GTF2E2: variants seen among roughly 807,000 people sequenced by gnomAD.
The protein encoded by GTF2E2 is transcription initiation factor IIE subunit beta.
Under a neutral mutation model 40.5 loss-of-function variants are expected in GTF2E2, and 21 were observed. The observed-to-expected ratio is 0.52, with a 90% CI of 0.37 to 0.75. The LOEUF (loss-of-function observed/expected upper bound fraction) is 0.75. GTF2E2 is among the 30% of genes least tolerant of loss of function. The pLI is 0.00. For missense variants in GTF2E2, 298 were observed against 338.4 expected, an observed-to-expected ratio of 0.88 and a Z score of 0.94; for synonymous variants, 117 against 121.6, an observed-to-expected ratio of 0.96 and a Z score of 0.25.
rs180788696 is a variant in GTF2E2 at position 30,655,675 on chromosome 8, T to C, written c.-4-2073A>G. Among the ~76,000 whole-genome samples, 19 of 152,338 alleles carry C rather than the reference T, an allele frequency of 1.2e-4. No homozygotes were observed. In the East Asian group the frequency reaches 3.5e-3, roughly 28 times the overall value. ...ATCCTTGTCTACATGCTGCTTAGATTTGAGAAAATGGAAGCATTGAGCTAA... is the reference window on the plus strand; with the variant it reads ...ATCCTTGTCTACATGCTGCTTAGATCTGAGAAAATGGAAGCATTGAGCTAA... On this transcript the variant is annotated intron_variant, in intron 1 of 7. Transcript: ENST00000355904.
At chr8:30,647,307 G>A (rs879514106) in intron 2 of GTF2E2, among the ~76,000 whole-genome samples, 2 of 152,130 alleles carry the variant, frequency 1.3e-5, no homozygotes, top group Non-Finnish European at 2.9e-5. Context: ...TCGGCTGGGC[G>A]CGGTGGCTCA....
chr8:30,624,108 T>C (rs1801195143), intron 3 of GTF2E2, among the ~76,000 whole-genome samples: 2 of 152,134 alleles, frequency 1.3e-5, no homozygotes, highest in South Asian at 2.1e-4. Context: ...CTGAATAGTA[T>C]TGCCTAGGTT....
chr8:30,579,775 A>G (rs1641653288), intron 7 of GTF2E2, among the ~76,000 whole-genome samples: 1 of 152,242 alleles, frequency 6.6e-6, no homozygotes, highest in Non-Finnish European at 1.5e-5. Context: ...AAGGCAATGT[A>G]AAAGTCATCA....
At chr8:30,604,900 T>C (rs75606820) in intron 6 of GTF2E2, among the ~76,000 whole-genome samples, 1,588 of 152,188 alleles carry the variant, frequency 0.01, 15 homozygotes, top group Non-Finnish European at 0.016. Context: ...GAAGTATAGA[T>C]AAAAGATACA....
At chr8:30,616,669 C>T (rs547774970) in intron 3 of GTF2E2, among the ~76,000 whole-genome samples, 4 of 152,058 alleles carry the variant, frequency 2.6e-5, no homozygotes, top group East Asian at 3.9e-4. Context: ...AATTTGTCAA[C>T]GTAGGTTCAT....
intron 2 of GTF2E2, among the ~76,000 whole-genome samples, chr8:30,642,929 C>T (rs966973454): frequency 1.3e-5 from 2 of 152,140 alleles, no homozygotes; most frequent in African/African-American, 4.8e-5. Flanking sequence ...AAGCAGTTCA[C>T]TTATACCTCA....
In GTF2E2 at chr8:30,645,737, AGTTAAACATGC is replaced by A; in HGVS notation, c.166+7685_166+7695del. 3 of 812,024 alleles carry A rather than the reference AGTTAAACATGC, an allele frequency of 3.7e-6. No individual in the cohort carries two copies. The South Asian group carries it at 5.7e-5, about 15-fold the overall frequency. The allele number at this position is 812,024 out of a possible 1,614,324, so 50.3% of individuals were successfully genotyped here. On this transcript the variant is annotated intron_variant, in intron 2 of 7. Transcript: ENST00000355904. Reference sequence around the variant, plus strand: ...CATTTCTAGTAGAAGGGGAAAAAAAAGTTAAACATGCACTGTTTGTGTGTATAGCCATTTCA... The same window carrying A: ...CATTTCTAGTAGAAGGGGAAAAAAAAACTGTTTGTGTGTATAGCCATTTCA...
At chr8:30,619,520 C>G (rs977509778) in intron 3 of GTF2E2, among the ~76,000 whole-genome samples, 1 of 150,986 alleles carries the variant, frequency 6.6e-6, no homozygotes, top group African/African-American at 2.5e-5. Flanking sequence ...TCCCAAGTAG[C>G]TGGGACTATA....
chr8:30,578,878 T>C lies in GTF2E2; in HGVS notation c.*43A>G. 1 of 963,794 alleles carries C rather than the reference T, an allele frequency of 1.0e-6. No individual in the cohort carries two copies. Among genetic ancestry groups the C allele is most frequent in the African/African-American group, 1.6e-5 (1 of 62,696 alleles). 59.7% of individuals were successfully genotyped at this position (963,794 alleles called of 1,614,324 possible). A position where few individuals can be genotyped will look rare whatever the true frequency, so the allele number is the denominator to read the frequency against. Reference sequence around the variant, plus strand: ...ACCCCGAGCATCAGCAAGAACACTCTTGATTGTGTATCTGTAACTCTGTTC... The same window carrying C: ...ACCCCGAGCATCAGCAAGAACACTCCTGATTGTGTATCTGTAACTCTGTTC... On this transcript the variant is annotated 3_prime_UTR_variant, in exon 8 of 8. Transcript: ENST00000355904.
intron 6 of GTF2E2, among the ~76,000 whole-genome samples, chr8:30,584,100 C>G (rs1040738680): frequency 2.6e-5 from 4 of 152,092 alleles, no homozygotes; most frequent in Admixed American, 1.3e-4. Context: ...GCCACCGTGC[C>G]CAGCCGACGA....
chr8:30,590,608 C>T (rs1337218607), intron 6 of GTF2E2, among the ~76,000 whole-genome samples: 1 of 152,088 alleles, frequency 6.6e-6, no homozygotes, highest in African/African-American at 2.4e-5. Flanking sequence ...TCTTCATGAC[C>T]TTGGATTAGG....
chr8:30,593,644 ACAC>A (rs1828910783), intron 6 of GTF2E2, among the ~76,000 whole-genome samples: 1 of 152,108 alleles, frequency 6.6e-6, no homozygotes, highest in Non-Finnish European at 1.5e-5. Flanking sequence ...CTACAGGTGC[ACAC>A]CACCACACCA....
At chr8:30,608,445 A>C (rs1283265869) in intron 5 of GTF2E2, among the ~76,000 whole-genome samples, 1 of 152,200 alleles carries the variant, frequency 6.6e-6, no homozygotes, top group Non-Finnish European at 1.5e-5. Flanking sequence ...TTGATACAGA[A>C]GTTTGCTGTG....
chr8:30,607,899 A>G (rs1829368127), intron 5 of GTF2E2, among the ~76,000 whole-genome samples: 1 of 152,218 alleles, frequency 6.6e-6, no homozygotes, highest in Non-Finnish European at 1.5e-5. Context: ...GAATGATTAA[A>G]TCACCTAGAA....
intron 2 of GTF2E2, among the ~76,000 whole-genome samples, chr8:30,639,825 G>A (rs1190570139): frequency 6.6e-6 from 1 of 151,068 alleles, no homozygotes; most frequent in African/African-American, 2.4e-5. Context: ...GCTAGCCTGA[G>A]CAAAGTATCC....
chr8:30,645,908 A>T (rs1002116372), intron 2 of GTF2E2: 3 of 233,374 alleles, frequency 1.3e-5, no homozygotes, highest in Non-Finnish European at 2.5e-5. Flanking sequence ...AAGCAAGGCT[A>T]ATGATGCTAA....
intron 6 of GTF2E2, among the ~76,000 whole-genome samples, chr8:30,587,788 C>T (rs778317095): frequency 4.1e-4 from 60 of 145,916 alleles, no homozygotes; most frequent in South Asian, 1.4e-3. Context: ...AGGAGAATTG[C>T]TTGAACCCAA....
chr8:30,638,121 C>A (rs1213210631), intron 2 of GTF2E2, among the ~76,000 whole-genome samples: 1 of 152,132 alleles, frequency 6.6e-6, no homozygotes, highest in Non-Finnish European at 1.5e-5. Context: ...AATCAAACCA[C>A]CACATGGAAA....
At chr8:30,599,219 CA>C (rs1287880111) in intron 6 of GTF2E2, among the ~76,000 whole-genome samples, 2 of 151,956 alleles carry the variant, frequency 1.3e-5, no homozygotes, top group Non-Finnish European at 2.9e-5. Context: ...AATTCAACCT[CA>C]AGAAAATGTA....
Sources: gnomAD v4.1 joint callset for allele counts (sites outside exome capture counted in the v4.1 genomes callset) on GRCh38, gnomAD v4.1.1 for gene constraint, MANE v1.5 for transcripts, NCBI Gene and HGNC (gene_info 2026-07-23, HGNC 2026-07-21) for gene names.